RBFOX1: variants seen among roughly 807,000 people sequenced by gnomAD.
RBFOX1 encodes the protein RNA binding fox-1 homolog 1.
A neutral mutation model predicts 57.7 loss-of-function variants in RBFOX1; 8 were observed. The ratio of observed to expected loss-of-function variants is 0.14; its 90% CI spans 0.08 to 0.25. The LOEUF is 0.25. Ranked by LOEUF, RBFOX1 falls within the 10% of genes least tolerant of loss-of-function variation. The pLI, the probability that RBFOX1 is intolerant of heterozygous loss-of-function variation, is 1.00. For missense variants in RBFOX1, 611 were observed against 548.5 expected (o/e 1.11, Z -1.14); for synonymous variants, 326 against 222.4 (o/e 1.47, Z -4.15).
At chr16:7,709,439 A>G (rs2083537967) in intron 15 of RBFOX1, 1 of 1,360,440 alleles carries the variant, frequency 7.4e-7, no homozygotes, top group African/African-American at 1.5e-5. Context: ...TGCAGTGTCA[A>G]TGCAGAACTT....
At chr16:7,435,630 T>C (rs2098715574) in intron 4 of RBFOX1, among the ~76,000 whole-genome samples, 1 of 152,184 alleles carries the variant, frequency 6.6e-6, no homozygotes, top group Non-Finnish European at 1.5e-5. Context: ...AGATGAACTA[T>C]TGCAAGCCAC....
At chr16:7,539,871 G>A (rs183277484) in intron 5 of RBFOX1, among the ~76,000 whole-genome samples, 14 of 152,280 alleles carry the variant, frequency 9.2e-5, no homozygotes, top group Admixed American at 3.9e-4. Flanking sequence ...AGATAACTCC[G>A]TCCCCATACT....
chr16:7,594,911 A>G (rs1040879243), intron 7 of RBFOX1, among the ~76,000 whole-genome samples: 1 of 152,196 alleles, frequency 6.6e-6, no homozygotes, highest in Non-Finnish European at 1.5e-5. Context: ...ATTTCTGTTC[A>G]TTTCATGTGA....
intron 2 of RBFOX1, among the ~76,000 whole-genome samples, chr16:5,526,434 G>T (rs1004873047): frequency 6.6e-6 from 1 of 152,284 alleles, no homozygotes; most frequent in East Asian, 1.9e-4. Flanking sequence ...GATTACAGCT[G>T]TGTGCCACCA....
chr16:6,633,311 C>G (rs1271096195), intron 2 of RBFOX1, among the ~76,000 whole-genome samples: 1 of 152,086 alleles, frequency 6.6e-6, no homozygotes, highest in Admixed American at 6.6e-5. Flanking sequence ...GAGTGTCACT[C>G]TTGTCGCCCA....
intron 1 of RBFOX1, among the ~76,000 whole-genome samples, chr16:5,272,258 G>A (rs1458522181): frequency 6.6e-6 from 1 of 152,134 alleles, no homozygotes; most frequent in Non-Finnish European, 1.5e-5. Flanking sequence ...ATTAGGGGAT[G>A]GACATGTTAA....
chr16:6,607,150 C>T (rs1770269038), intron 2 of RBFOX1, among the ~76,000 whole-genome samples: 1 of 152,178 alleles, frequency 6.6e-6, no homozygotes, highest in African/African-American at 2.4e-5. Flanking sequence ...TTTTAGCAAG[C>T]TTCCTAGAGA....
chr16:6,018,562 G>T (rs936285446), upstream of RBFOX1, among the ~76,000 whole-genome samples: 1 of 152,134 alleles, frequency 6.6e-6, no homozygotes, highest in Non-Finnish European at 1.5e-5. Flanking sequence ...TGTGCGGGGT[G>T]GGGGCGTCCC....
intron 4 of RBFOX1, among the ~76,000 whole-genome samples, chr16:7,074,596 T>A (rs2057967839): frequency 6.6e-6 from 1 of 152,158 alleles, no homozygotes; most frequent in Non-Finnish European, 1.5e-5. Flanking sequence ...ATCAAGCATT[T>A]AAATACATAT....
At chr16:7,609,104 T>C (rs1211437112) in intron 10 of RBFOX1, among the ~76,000 whole-genome samples, 1 of 152,220 alleles carries the variant, frequency 6.6e-6, no homozygotes, top group African/African-American at 2.4e-5. Flanking sequence ...ACAGCTTCCA[T>C]GTGTCCGCAG....
intron 5 of RBFOX1, among the ~76,000 whole-genome samples, chr16:7,526,512 C>T (rs1028507846): frequency 6.6e-6 from 1 of 152,146 alleles, no homozygotes; most frequent in East Asian, 1.9e-4. Flanking sequence ...GATCTCCTCC[C>T]TTTTTTCTTC....
At chr16:5,424,999 T>C (rs1325492231) in intron 1 of RBFOX1, among the ~76,000 whole-genome samples, 1 of 140,388 alleles carries the variant, frequency 7.1e-6, no homozygotes, top group Admixed American at 7.5e-5. Context: ...TTTTCTTTTC[T>C]TTTCTTTTCT....
At chr16:5,258,347 A>T (rs1395950116) in intron 1 of RBFOX1, among the ~76,000 whole-genome samples, 1 of 152,204 alleles carries the variant, frequency 6.6e-6, no homozygotes, top group Non-Finnish European at 1.5e-5. Context: ...AGTTTACAGT[A>T]GTTATGTAAT....
intron 1 of RBFOX1, among the ~76,000 whole-genome samples, chr16:5,359,441 C>T (rs886915751): frequency 9.9e-5 from 15 of 152,218 alleles, no homozygotes; most frequent in African/African-American, 1.4e-4. Flanking sequence ...ACAGTGTACA[C>T]GAGTTCCTTT....
In RBFOX1 at chr16:7,392,203, T is replaced by A. The variant is rs545008991; in HGVS notation, c.28-125944T>A. 6.6e-5 allele frequency among the ~76,000 whole-genome samples: 10 copies of A among 152,326 alleles called. No individual in the cohort carries two copies. The South Asian group carries it at 2.1e-3, about 32-fold the overall frequency. On this transcript the variant is annotated intron_variant, in intron 4 of 15. Coordinates refer to ENST00000550418, the MANE Select transcript of RBFOX1 (RefSeq NM_018723.4). Reference sequence around the variant, plus strand: ...GCATTTTCATAATCATTTTCAGACCTCTGCCTACATGTCCCTTTTTCATGG... The same window carrying A: ...GCATTTTCATAATCATTTTCAGACCACTGCCTACATGTCCCTTTTTCATGG...
chr16:7,303,441 C>A (rs940357888), intron 4 of RBFOX1, among the ~76,000 whole-genome samples: 3 of 152,260 alleles, frequency 2.0e-5, no homozygotes, highest in African/African-American at 7.2e-5. Flanking sequence ...CTGTGGGTCC[C>A]AGCTGGGCCA....
chr16:7,497,644 T>C lies in RBFOX1; in HGVS notation c.28-20503T>C, dbSNP rs535144055. On this transcript the variant is annotated intron_variant, in intron 4 of 15. Transcript: ENST00000550418. ...CAGACACAGTGGATAAAGGTACCTC[T>C]AGTGCATTTCTAAACATAGTCAAAA... Among the ~76,000 whole-genome samples the C allele has an allele frequency of 1.1e-4, 17 of 152,352 alleles. No homozygotes were observed. In the East Asian group the frequency reaches 2.9e-3, roughly 26 times the overall value.
At chr16:6,822,849 G>T (rs968017535) in intron 3 of RBFOX1, among the ~76,000 whole-genome samples, 8 of 152,146 alleles carry the variant, frequency 5.3e-5, no homozygotes, top group Non-Finnish European at 7.3e-5. Flanking sequence ...AGATCTCTTT[G>T]TGCCTTAAAA....
intron 2 of RBFOX1, among the ~76,000 whole-genome samples, chr16:6,453,723 G>A (rs1051734964): frequency 9.2e-5 from 14 of 152,286 alleles, no homozygotes; most frequent in African/African-American, 2.9e-4. Context: ...TTTCACTGGT[G>A]TTGTCTGTAA....
Sources: allele counts gnomAD v4.1 joint callset (sites outside exome capture counted in the v4.1 genomes callset), GRCh38; gene constraint gnomAD v4.1.1; transcripts MANE v1.5; gene names NCBI Gene and HGNC (gene_info 2026-07-23, HGNC 2026-07-21).